SPAG1: variants seen among roughly 807,000 people sequenced by gnomAD.
SPAG1 encodes the protein sperm-associated antigen 1.
Under a neutral mutation model 100.5 loss-of-function variants are expected in SPAG1, and 69 were observed. The observed-to-expected ratio is 0.69, with a 90% CI of 0.57 to 0.84. The LOEUF (loss-of-function observed/expected upper bound fraction) is 0.84. Ranked by LOEUF, SPAG1 falls within the 40% of genes least tolerant of loss-of-function variation. The pLI is 0.00. For missense variants in SPAG1, 955 were observed against 1,133.1 expected, an observed-to-expected ratio of 0.84 and a Z score of 2.26; for synonymous variants, 336 against 411.6, an observed-to-expected ratio of 0.82 and a Z score of 2.22.
At chr8:100,187,284 A>T in intron 8 of SPAG1, 34 bp downstream of exon 8, 1 of 1,544,778 alleles carries the variant, frequency 6.5e-7, no homozygotes, top group South Asian at 1.2e-5. Context: ...TTACATTTAC[A>T]GCAGGATCCA....
chr8:100,202,271 AGTTTTGTTTTCT>A (rs1030132748), intron 10 of SPAG1, among the ~76,000 whole-genome samples: 2 of 151,838 alleles, frequency 1.3e-5, no homozygotes, highest in South Asian at 2.1e-4. Context: ...CGTCCAACTT[AGTTTTGTTTTCT>A]GTTTTGTTTT....
At chr8:100,197,595 TA>T (rs1403242270) in intron 10 of SPAG1, among the ~76,000 whole-genome samples, 2 of 152,184 alleles carry the variant, frequency 1.3e-5, no homozygotes, top group Non-Finnish European at 2.9e-5. Context: ...AGAGGAAAGT[TA>T]TCAAGTTGGA....
At chr8:100,215,611 G>A (rs1039572513) in intron 12 of SPAG1, among the ~76,000 whole-genome samples, 1 of 152,148 alleles carries the variant, frequency 6.6e-6, no homozygotes. Context: ...TGCAAGCTCC[G>A]CCTCCTGGGT....
intron 10 of SPAG1, among the ~76,000 whole-genome samples, chr8:100,197,284 CT>C (rs149774210): frequency 6.6e-6 from 1 of 152,110 alleles, no homozygotes; most frequent in Non-Finnish European, 1.5e-5. Context: ...GAGACCCCAT[CT>C]TTTTTTAGAA....
chr8:100,223,434 TTGA>T (rs1818369707), intron 13 of SPAG1, among the ~76,000 whole-genome samples: 2 of 152,308 alleles, frequency 1.3e-5, no homozygotes, highest in Admixed American at 6.5e-5. Context: ...TGATATTTTG[TTGA>T]TGAGGAGGCT....
intron 3 of SPAG1, among the ~76,000 whole-genome samples, chr8:100,171,933 C>T (rs957393826): frequency 1.3e-4 from 20 of 151,666 alleles, no homozygotes; most frequent in African/African-American, 4.6e-4. Context: ...CTCGCTCTAT[C>T]GCCCGGGCTA....
intron 14 of SPAG1, among the ~76,000 whole-genome samples, chr8:100,230,872 C>T (rs554360541): frequency 4.0e-4 from 61 of 152,280 alleles, no homozygotes; most frequent in South Asian, 1.0e-3. Flanking sequence ...CCGCCCGCCT[C>T]GGCCTCCCAA....
intron 1 of SPAG1, among the ~76,000 whole-genome samples, chr8:100,159,979 G>A (rs1815233985): frequency 6.6e-6 from 1 of 152,106 alleles, no homozygotes; most frequent in Non-Finnish European, 1.5e-5. Flanking sequence ...TGGTAATTTA[G>A]CTCCATAAAT....
chr8:100,226,099 C>T (rs1041312744), intron 14 of SPAG1, among the ~76,000 whole-genome samples: 1 of 151,290 alleles, frequency 6.6e-6, no homozygotes, highest in Non-Finnish European at 1.5e-5. Context: ...CAGGTTCAAG[C>T]GATTCTCCTG....
intron 4 of SPAG1, among the ~76,000 whole-genome samples, chr8:100,181,229 CTTTA>C (rs1816354291): frequency 6.6e-6 from 1 of 151,998 alleles, no homozygotes; most frequent in African/African-American, 2.4e-5. Flanking sequence ...TCTTCTTCTT[CTTTA>C]TTCAGTCATA....
chr8:100,203,074 A>G (rs1359494682), intron 10 of SPAG1, among the ~76,000 whole-genome samples: 1 of 152,170 alleles, frequency 6.6e-6, no homozygotes, highest in Non-Finnish European at 1.5e-5. Flanking sequence ...GCTGAAAGAG[A>G]TTAACATTAA....
intron 3 of SPAG1, among the ~76,000 whole-genome samples, chr8:100,176,777 G>A (rs1380217768): frequency 5.3e-5 from 8 of 150,964 alleles, no homozygotes; most frequent in Admixed American, 3.3e-4. Flanking sequence ...TGGTGTAGCC[G>A]CAGTGATGCA....
intron 3 of SPAG1, among the ~76,000 whole-genome samples, chr8:100,167,896 A>G (rs890865259): frequency 2.0e-5 from 3 of 152,204 alleles, no homozygotes; most frequent in Admixed American, 1.3e-4. Context: ...ACTTGCATAT[A>G]AATGTAATCA....
chr8:100,207,666 C>T lies in SPAG1; in HGVS notation c.1097-5424C>T, dbSNP rs149578639. Among the ~76,000 whole-genome samples the T allele has an allele frequency of 1.0e-2, 1,521 of 152,316 alleles. 11 individuals are homozygous for T. The highest frequency in any genetic ancestry group is 0.035 in the South Asian group (167 of 4,822). The stretch of plus-strand genomic sequence containing the variant: ...TGGATGGTCAGGGACTTGGAAGAAG[C>T]ACCCAATGCTTCTGCCAGGACTACC... On this transcript the variant is annotated intron_variant, in intron 10 of 18. Transcript: ENST00000388798.
intron 3 of SPAG1, among the ~76,000 whole-genome samples, chr8:100,168,466 T>C (rs1244017773): frequency 6.6e-6 from 1 of 151,996 alleles, no homozygotes; most frequent in Non-Finnish European, 1.5e-5. Context: ...CCATCACAGC[T>C]CGCTGCAGCC....
In SPAG1 at chr8:100,239,513, CT is replaced by C; in HGVS notation, c.2280+110del. ...ACATTTTTAATTTTGTGTTTTTATTCTGATGATCAGTGACAAAATTTTAACC... is the reference window on the plus strand; with the variant it reads ...ACATTTTTAATTTTGTGTTTTTATTCGATGATCAGTGACAAAATTTTAACC... On this transcript the variant is annotated intron_variant, in intron 17 of 18. Transcript: ENST00000388798. This position sits in a 1 kb window ranked among gnomAD's most constrained non-coding sequence, Gnocchi z 5.0. 1 of 739,458 alleles carries C rather than the reference CT, an allele frequency of 1.4e-6. No individual in the cohort carries two copies. The highest frequency in any genetic ancestry group is 1.8e-5 in the African/African-American group (1 of 55,588). The allele number at this position is 739,458 out of a possible 1,614,324, so 45.8% of individuals were successfully genotyped here.
intron 4 of SPAG1, among the ~76,000 whole-genome samples, chr8:100,182,840 G>T (rs187451739): frequency 1.3e-5 from 2 of 151,908 alleles, no homozygotes; most frequent in East Asian, 3.9e-4. Flanking sequence ...CCTATAGATT[G>T]TCCCCAGAAT....
rs1188992196 is a variant in SPAG1 at position 100,241,822 on chromosome 8, TTACTG to T, written c.*803_*807del. The T allele has an allele frequency of 6.6e-6, 1 of 152,160 alleles. No individual in the cohort carries two copies. Among genetic ancestry groups the T allele is most frequent in the Non-Finnish European group, 1.5e-5 (1 of 68,034 alleles). The allele number at this position is 152,160 out of a possible 1,614,324, so 9.4% of individuals were successfully genotyped here. A position where few individuals can be genotyped will look rare whatever the true frequency, so the allele number is the denominator to read the frequency against. On this transcript the variant is annotated 3_prime_UTR_variant, in exon 19 of 19. Coordinates refer to ENST00000388798, the MANE Select transcript of SPAG1 (RefSeq NM_003114.5). This position sits in a 1 kb window ranked among gnomAD's most constrained non-coding sequence, Gnocchi z 5.1. ...TGCTTTTATGACTGTATTTATTCCT[TTACTG>T]TAAAAGAATATGAAGAACTCATACA...
chr8:100,168,606 T>C (rs1023336453), intron 3 of SPAG1, among the ~76,000 whole-genome samples: 1 of 151,098 alleles, frequency 6.6e-6, no homozygotes, highest in African/African-American at 2.4e-5. Flanking sequence ...CACTATGTTG[T>C]CCAGGCTAGT....
Sources: gnomAD v4.1 joint callset for allele counts (sites outside exome capture counted in the v4.1 genomes callset) on GRCh38, gnomAD v4.1.1 for gene constraint, Gnocchi (gnomAD v3.1) non-coding constraint, MANE v1.5 for transcripts, NCBI Gene and HGNC (gene_info 2026-07-23, HGNC 2026-07-21) for gene names.